Variants in DRD3 observed in about 807,000 individuals in gnomAD.
DRD3 encodes dopamine receptor D3, also known as D(3) dopamine receptor.
Under a neutral mutation model 36.3 loss-of-function variants are expected in DRD3, and 19 were observed. The observed-to-expected ratio is 0.52, with a 90% confidence interval of 0.36 to 0.77. DRD3 has a LOEUF of 0.77. Ranked by LOEUF, DRD3 falls within the 30% of genes least tolerant of loss-of-function variation. The pLI, the probability that DRD3 is intolerant of heterozygous loss-of-function variation, is 0.00. For synonymous variants in DRD3, 195 were observed against 203.7 expected (o/e 0.96, Z 0.36); for missense variants, 465 against 505.3 (o/e 0.92, Z 0.77).
intron 1 of DRD3, among the ~76,000 whole-genome samples, chr3:114,198,238 T>G (rs74396725): frequency 6.6e-6 from 1 of 150,412 alleles, no homozygotes; most frequent in Admixed American, 6.7e-5. Flanking sequence ...TTTTTTTTTT[T>G]CCTTTTTTGG....
upstream of DRD3, among the ~76,000 whole-genome samples, chr3:114,180,239 A>G (rs2077939349): frequency 6.6e-6 from 1 of 152,274 alleles, no homozygotes; most frequent in South Asian, 2.1e-4. Flanking sequence ...TGATTTAGAA[A>G]TCATTCTGTA....
At position 114,128,269 on chromosome 3, in the gene DRD3, T is replaced by C. The variant is rs571731422; in HGVS notation, c.*447A>G. 6.6e-6 allele frequency among the ~76,000 whole-genome samples: 1 copy of C among 152,256 alleles called. No homozygotes were observed. The highest frequency in any genetic ancestry group is 2.4e-5 in the African/African-American group (1 of 41,534). ...GAAATGACCAAGAGGAATGGGCCCG[T>C]AAAAGTACAAGGTTAGCCTGACAGT... On this transcript the variant is annotated 3_prime_UTR_variant, in exon 7 of 7. Transcript: ENST00000383673.
chr3:114,139,604 C>G lies in DRD3; in HGVS notation c.619G>C (p.Val207Leu), dbSNP rs1298782603. 1 of 1,614,076 alleles carries G rather than the reference C, an allele frequency of 6.2e-7. No individual in the cohort carries two copies. The highest frequency in any genetic ancestry group is 8.5e-7 in the Non-Finnish European group (1 of 1,180,016). The change falls in exon 5 of 7, where the codon GTC becomes CTC. Residue 207 changes from valine (V) to leucine (L), a missense_variant. Physicochemically the swap from Val to Leu is conservative, Grantham distance 32. Transcript: ENST00000383673. Reference sequence around the variant, plus strand: ...AGCACCACATAGATTCTGGCATAGACAAGGACAGTCACTCCAAAGGGCAGG... The same window carrying G: ...AGCACCACATAGATTCTGGCATAGAGAAGGACAGTCACTCCAAAGGGCAGG... ...FYLPFGVTVL[V>L]YARIYVVLKQ...
chr3:114,154,258 C>G (rs1373238496), intron 3 of DRD3, among the ~76,000 whole-genome samples: 2 of 152,206 alleles, frequency 1.3e-5, no homozygotes, highest in African/African-American at 4.8e-5. Flanking sequence ...TGGTTGGTCA[C>G]TTACTGAAGG....
intron 1 of DRD3, among the ~76,000 whole-genome samples, chr3:114,197,479 C>T (rs1451717471): frequency 2.0e-5 from 3 of 151,946 alleles, no homozygotes; most frequent in Non-Finnish European, 4.4e-5. Flanking sequence ...TTTACTAATA[C>T]TTTCCATTTA....
chr3:114,153,373 T>G (rs2077636491), intron 3 of DRD3, among the ~76,000 whole-genome samples: 1 of 152,146 alleles, frequency 6.6e-6, no homozygotes, highest in African/African-American at 2.4e-5. Context: ...AAGGGATCAG[T>G]GATTGTTCAT....
chr3:114,189,947 C>T (rs1377704838), intron 1 of DRD3, among the ~76,000 whole-genome samples: 1 of 152,104 alleles, frequency 6.6e-6, no homozygotes, highest in East Asian at 1.9e-4. Flanking sequence ...ACATAAACAC[C>T]TTGTCAGGCA....
intron 5 of DRD3, among the ~76,000 whole-genome samples, chr3:114,135,067 T>C (rs2077463723): frequency 6.6e-6 from 1 of 152,288 alleles, no homozygotes; most frequent in Admixed American, 6.5e-5. Flanking sequence ...TCCACCTCTC[T>C]TTCTCGCCCC....
At chr3:114,187,664 G>A (rs1303138695) in intron 1 of DRD3, among the ~76,000 whole-genome samples, 2 of 152,084 alleles carry the variant, frequency 1.3e-5, no homozygotes, top group African/African-American at 4.8e-5. Context: ...ATCCAAGAAG[G>A]GCATTTGGTA....
At chr3:114,160,316 G>A (rs920281565) in intron 2 of DRD3, among the ~76,000 whole-genome samples, 7 of 151,782 alleles carry the variant, frequency 4.6e-5, no homozygotes, top group Non-Finnish European at 8.8e-5. Context: ...GTGCGATCTC[G>A]GCTCACCACA....
At chr3:114,163,285 T>C (rs1471489565) in intron 2 of DRD3, among the ~76,000 whole-genome samples, 9 of 152,134 alleles carry the variant, frequency 5.9e-5, no homozygotes, top group African/African-American at 1.9e-4. Context: ...TTTTTTCTAT[T>C]GACATCCTCC....
At chr3:114,168,726 G>T (rs576276491) in intron 2 of DRD3, among the ~76,000 whole-genome samples, 1 of 152,330 alleles carries the variant, frequency 6.6e-6, no homozygotes, top group Admixed American at 6.5e-5. Context: ...TGGGGCAGCT[G>T]AACCAACACA....
intron 3 of DRD3, among the ~76,000 whole-genome samples, chr3:114,147,974 C>T (rs151037328): frequency 6.6e-5 from 10 of 151,890 alleles, no homozygotes; most frequent in Non-Finnish European, 1.2e-4. Flanking sequence ...GAAAGAAGTT[C>T]GTAGAGAAAT....
At chr3:114,195,806 A>AT (rs1348835426) in intron 1 of DRD3, among the ~76,000 whole-genome samples, 1 of 152,326 alleles carries the variant, frequency 6.6e-6, no homozygotes, top group African/African-American at 2.4e-5. Flanking sequence ...TAAAACACCC[A>AT]TTTACATAAG....
intron 2 of DRD3, among the ~76,000 whole-genome samples, chr3:114,165,989 T>A (rs1451920367): frequency 1.7e-5 from 1 of 58,814 alleles, no homozygotes; most frequent in South Asian, 6.2e-4. Context: ...CAGTTTGTAT[T>A]TTTTTTTTTT....
chr3:114,141,183 C>T (rs921379164), intron 4 of DRD3, among the ~76,000 whole-genome samples: 4 of 152,130 alleles, frequency 2.6e-5, no homozygotes, highest in South Asian at 2.1e-4. Flanking sequence ...AGGCATGGGC[C>T]GCCATGCCCA....
upstream of DRD3, among the ~76,000 whole-genome samples, chr3:114,180,418 C>A (rs2077940515): frequency 6.6e-6 from 1 of 151,922 alleles, no homozygotes; most frequent in Non-Finnish European, 1.5e-5. Flanking sequence ...GGAGGGTACG[C>A]CCTAATCCAA....
rs1328633662 is a variant in DRD3 at position 114,128,625 on chromosome 3, G to A, written c.*91C>T. On this transcript the variant is annotated 3_prime_UTR_variant, in exon 7 of 7. Coordinates refer to ENST00000383673, the MANE Select transcript of DRD3 (RefSeq NM_000796.6). Reference sequence around the variant, plus strand: ...TGGCTCCAGGAATCTTCTTCCTACTGCATGCCGGAGGACACTGCACAGTCT... The same window carrying A: ...TGGCTCCAGGAATCTTCTTCCTACTACATGCCGGAGGACACTGCACAGTCT... 3.3e-5 allele frequency: 43 copies of A among 1,289,070 alleles called. No individual in the cohort carries two copies. Among genetic ancestry groups the A allele is most frequent in the Non-Finnish European group, 4.4e-5 (42 of 963,650 alleles). The allele number at this position is 1,289,070 out of a possible 1,614,324, so 79.9% of individuals were successfully genotyped here.
At chr3:114,139,288 C>A (rs1009294849) in intron 5 of DRD3, among the ~76,000 whole-genome samples, 1 of 152,184 alleles carries the variant, frequency 6.6e-6, no homozygotes, top group African/African-American at 2.4e-5. Flanking sequence ...ATCACTTTGC[C>A]AGGTAAGGCA....
Sources: gnomAD v4.1 joint callset for allele counts (sites outside exome capture counted in the v4.1 genomes callset) on GRCh38, gnomAD v4.1.1 for gene constraint, MANE v1.5 for transcripts, NCBI Gene and HGNC (gene_info 2026-07-23, HGNC 2026-07-21) for gene names.